MGAT4C: variants seen among roughly 807,000 people sequenced by gnomAD.
The protein encoded by MGAT4C is alpha-1,3-mannosyl-glycoprotein 4-beta-N-acetylglucosaminyltransferase C.
In MGAT4C, 19 loss-of-function variants were observed where a neutral mutation model predicts 40.1. The ratio of observed to expected loss-of-function variants is 0.47; its 90% CI spans 0.33 to 0.70. MGAT4C has a LOEUF of 0.70. Ranked by LOEUF, MGAT4C falls within the 30% of genes least tolerant of loss-of-function variation. MGAT4C has a pLI of 0.02. For missense variants in MGAT4C, 491 were observed against 563.2 expected (o/e 0.87, Z 1.30); for synonymous variants, 181 against 187.1 (o/e 0.97, Z 0.27).
intron 2 of MGAT4C, among the ~76,000 whole-genome samples, chr12:86,678,302 C>T (rs1593106140): frequency 1.3e-5 from 2 of 152,176 alleles, no homozygotes; most frequent in African/African-American, 2.4e-5. Flanking sequence ...CTTATTCCAC[C>T]CCTACATGTG....
In MGAT4C at chr12:86,228,659, T is replaced by G. The variant is rs12308786; in HGVS notation, c.-57+27580A>C. ...TGGAAGAGAAATAAGGATTTGCATT[T>G]GTGAAAAAAAAAATTTCTTATGCTG... is the stretch of plus-strand genomic sequence containing the variant. On this transcript the variant is annotated intron_variant, in intron 1 of 4. Transcript: ENST00000611864. Among the ~76,000 whole-genome samples, 1,330 of 150,418 alleles carry G rather than the reference T, an allele frequency of 8.8e-3. 22 individuals are homozygous for G. The highest frequency in any genetic ancestry group is 0.03 in the African/African-American group (1,207 of 40,112).
At chr12:86,672,853 T>C (rs11104025) in intron 2 of MGAT4C, among the ~76,000 whole-genome samples, 5,271 of 152,168 alleles carry the variant, frequency 0.035, 140 homozygotes, top group Non-Finnish European at 0.048. Context: ...TTCAGCATCA[T>C]GCAATGTACC....
intron 1 of MGAT4C, among the ~76,000 whole-genome samples, chr12:86,162,628 A>G (rs997926600): frequency 1.3e-5 from 2 of 152,188 alleles, no homozygotes; most frequent in African/African-American, 4.8e-5. Context: ...TACTCCCTGT[A>G]TCTAAAATGA....
intron 1 of MGAT4C, among the ~76,000 whole-genome samples, chr12:86,774,354 C>CTT (rs1565981814): frequency 5.1e-5 from 4 of 79,014 alleles, no homozygotes; most frequent in Admixed American, 1.3e-4. Flanking sequence ...TCTCTCTCTC[C>CTT]CCTCTCTCTC....
At chr12:86,753,059 T>C (rs1229279527) in intron 1 of MGAT4C, among the ~76,000 whole-genome samples, 1 of 152,158 alleles carries the variant, frequency 6.6e-6, no homozygotes, top group Non-Finnish European at 1.5e-5. Context: ...ACTAGACTTC[T>C]TTAATGTTAA....
chr12:86,115,174 T>G (rs2135661567), intron 1 of MGAT4C, among the ~76,000 whole-genome samples: 1 of 152,012 alleles, frequency 6.6e-6, no homozygotes, highest in African/African-American at 2.4e-5. Flanking sequence ...TCTTTTAAGA[T>G]AAAGATAAGG....
intron 1 of MGAT4C, among the ~76,000 whole-genome samples, chr12:86,233,098 T>A (rs1219548448): frequency 1.5e-4 from 23 of 152,250 alleles, no homozygotes; most frequent in Non-Finnish European, 4.4e-5. Context: ...TAGATTTTTT[T>A]AACTTAGATT....
chr12:86,710,184 T>C (rs1462655047), intron 2 of MGAT4C, among the ~76,000 whole-genome samples: 1 of 152,218 alleles, frequency 6.6e-6, no homozygotes, highest in Non-Finnish European at 1.5e-5. Context: ...GCAAGATGTC[T>C]GTTTTCACTA....
intron 1 of MGAT4C, among the ~76,000 whole-genome samples, chr12:86,762,007 T>C (rs1240499515): frequency 3.3e-5 from 5 of 152,032 alleles, no homozygotes; most frequent in African/African-American, 1.2e-4. Context: ...CTGAGTCCTC[T>C]GCTCAGGGTC....
At chr12:86,793,202 CA>C (rs780647224) in intron 1 of MGAT4C, among the ~76,000 whole-genome samples, 2 of 152,004 alleles carry the variant, frequency 1.3e-5, no homozygotes, top group East Asian at 1.9e-4. Flanking sequence ...TGCAGGGATT[CA>C]TTTTTTTAGT....
At chr12:86,263,705 T>C (rs1952715778) in intron 4 of MGAT4C, among the ~76,000 whole-genome samples, 1 of 152,184 alleles carries the variant, frequency 6.6e-6, no homozygotes, top group Non-Finnish European at 1.5e-5. Context: ...GTGTGACTGC[T>C]GTATGAAATT....
intron 1 of MGAT4C, among the ~76,000 whole-genome samples, chr12:86,171,511 C>G (rs369496248): frequency 2.6e-5 from 4 of 152,080 alleles, no homozygotes. Flanking sequence ...GTGAATTGAC[C>G]ATTCTAATGG....
In MGAT4C at chr12:86,288,480, G is replaced by C. The variant is rs1219550079; in HGVS notation, c.-57+45585C>G. 4.6e-5 allele frequency among the ~76,000 whole-genome samples: 7 copies of C among 152,058 alleles called. No homozygotes were observed. In the East Asian group the frequency reaches 5.8e-4, roughly 13 times the overall value. On this transcript the variant is annotated intron_variant, in intron 4 of 7. Transcript: ENST00000548651. ...TTTTCTAGGGTTTTATATGGTTTTA[G>C]GTCTTACATTTAAGTTTTAATCCAT...
At chr12:86,329,756 G>C (rs1368973138) in intron 4 of MGAT4C, among the ~76,000 whole-genome samples, 1 of 152,072 alleles carries the variant, frequency 6.6e-6, no homozygotes, top group African/African-American at 2.4e-5. Context: ...TATAGTTAAA[G>C]CTCTACTGTA....
intron 1 of MGAT4C, among the ~76,000 whole-genome samples, chr12:86,775,382 A>G (rs1196961937): frequency 2.6e-5 from 4 of 151,156 alleles, no homozygotes; most frequent in Non-Finnish European, 5.9e-5. Context: ...CAAGCAATGC[A>G]TATATGATGT....
At chr12:86,746,018 T>C (rs187243993) in intron 1 of MGAT4C, among the ~76,000 whole-genome samples, 1 of 151,792 alleles carries the variant, frequency 6.6e-6, no homozygotes, top group Non-Finnish European at 1.5e-5. Context: ...TACTGGAGTT[T>C]GTTCTTCTAG....
intron 1 of MGAT4C, among the ~76,000 whole-genome samples, chr12:86,731,772 A>G (rs971858195): frequency 1.3e-5 from 2 of 152,148 alleles, no homozygotes; most frequent in African/African-American, 4.8e-5. Flanking sequence ...ATTGGGGGCT[A>G]TACCAACCTA....
chr12:86,834,792 C>T (rs565933488), intron 1 of MGAT4C, among the ~76,000 whole-genome samples: 1 of 151,800 alleles, frequency 6.6e-6, no homozygotes, highest in Non-Finnish European at 1.5e-5. Flanking sequence ...GGTGTGTAGG[C>T]GGGTTGTAGG....
intron 2 of MGAT4C, among the ~76,000 whole-genome samples, chr12:86,664,961 T>C (rs911832480): frequency 6.6e-6 from 1 of 152,194 alleles, no homozygotes; most frequent in African/African-American, 2.4e-5. Flanking sequence ...ATTTCATGTA[T>C]CAGTATCCCT....
Sources: allele counts gnomAD v4.1 joint callset (sites outside exome capture counted in the v4.1 genomes callset), GRCh38; gene constraint gnomAD v4.1.1; transcripts MANE v1.5; gene names NCBI Gene and HGNC (gene_info 2026-07-23, HGNC 2026-07-21).